The following CERS5 variants were observed in gnomAD, a reference collection of about 807,000 sequenced individuals.
The protein encoded by CERS5 is LAG1 homolog, ceramide synthase 5.
In CERS5, 37 loss-of-function variants were observed where a neutral mutation model predicts 58.9. That is an observed-to-expected ratio of 0.63 (90% CI 0.48 to 0.83). The LOEUF is 0.83. Among genes scored for constraint, CERS5 ranks in the 40% least tolerant of loss-of-function variants. The pLI is 0.00. For missense variants in CERS5, 398 were observed against 489.3 expected, an observed-to-expected ratio of 0.81 and a Z score of 1.76; for synonymous variants, 147 against 177.8, an observed-to-expected ratio of 0.83 and a Z score of 1.38.
At chr12:50,165,298 A>T (rs1331681670) in intron 1 of CERS5, 1 of 152,184 alleles carries the variant, frequency 6.6e-6, no homozygotes, top group Admixed American at 6.6e-5. Context: ...GGGCGCCTGT[A>T]GTTTCAGCTA....
At chr12:50,132,602 G>C (rs960151785) in intron 9 of CERS5, among the ~76,000 whole-genome samples, 1 of 152,110 alleles carries the variant, frequency 6.6e-6, no homozygotes, top group Non-Finnish European at 1.5e-5. Context: ...ATTTGCTTTG[G>C]ATCAGCTCCT....
At chr12:50,149,244 T>C (rs778056069) in intron 1 of CERS5, among the ~76,000 whole-genome samples, 21 of 152,210 alleles carry the variant, frequency 1.4e-4, no homozygotes, top group Non-Finnish European at 2.6e-4. Context: ...ACAAGATTTT[T>C]CCTTTCCTGG....
chr12:50,132,431 A>C (rs1592327180), intron 9 of CERS5, among the ~76,000 whole-genome samples: 1 of 152,114 alleles, frequency 6.6e-6, no homozygotes, highest in African/African-American at 2.4e-5. Flanking sequence ...ATTAAAAAAA[A>C]AAAATTACCC....
chr12:50,139,446 G>A (rs1414365660), intron 4 of CERS5, among the ~76,000 whole-genome samples: 2 of 152,020 alleles, frequency 1.3e-5, no homozygotes, highest in Non-Finnish European at 2.9e-5. Flanking sequence ...TCACGCAACT[G>A]CACTTCAGCC....
chr12:50,134,482 G>A, intron 9 of CERS5, 64 bp downstream of exon 9: 1 of 1,612,974 alleles, frequency 6.2e-7, no homozygotes, highest in Non-Finnish European at 8.5e-7. Flanking sequence ...GATGGAGAGA[G>A]AACGTCTGTT....
chr12:50,155,167 T>G (rs1343336476), intron 1 of CERS5, among the ~76,000 whole-genome samples: 1 of 152,096 alleles, frequency 6.6e-6, no homozygotes, highest in Non-Finnish European at 1.5e-5. Context: ...CAGCATTTCT[T>G]AAATTTCTCA....
rs1190078891 is a variant in CERS5 at position 50,135,240 on chromosome 12, A to G, written c.872+492T>C. On this transcript the variant is annotated intron_variant, in intron 8 of 9. Transcript: ENST00000317551. The stretch of plus-strand genomic sequence containing the variant: ...GGGAGAGAGAGGAGGACAGGGAGGG[A>G]GAGAGAGAGGAGGGAGGGAGAGAGG... Among the ~76,000 whole-genome samples the G allele has an allele frequency of 2.8e-5, 2 of 70,614 alleles. 1 individual carries two copies. The highest frequency in any genetic ancestry group is 1.3e-4 in the African/African-American group (2 of 15,136). 46.3% of individuals were successfully genotyped at this position (70,614 alleles called of 152,430 possible).
chr12:50,151,705 T>C (rs1301843337), intron 1 of CERS5, among the ~76,000 whole-genome samples: 1 of 152,116 alleles, frequency 6.6e-6, no homozygotes. Context: ...TGGGCTGGAG[T>C]GCAATGGCAC....
intron 1 of CERS5, among the ~76,000 whole-genome samples, chr12:50,149,160 A>T (rs1016197042): frequency 6.6e-6 from 1 of 151,972 alleles, no homozygotes; most frequent in Non-Finnish European, 1.5e-5. Context: ...GCTAGATGAT[A>T]CTGACAAATT....
chr12:50,133,367 T>A, intron 9 of CERS5: 1 of 1,053,796 alleles, frequency 9.5e-7, no homozygotes, highest in Non-Finnish European at 1.2e-6. Context: ...CACCTTTCTT[T>A]CGCTCTTGGC....
intron 1 of CERS5, among the ~76,000 whole-genome samples, chr12:50,146,247 A>G (rs1952260673): frequency 6.6e-6 from 1 of 152,240 alleles, no homozygotes; most frequent in African/African-American, 2.4e-5. Flanking sequence ...GAAACAATGT[A>G]TGCCTACACC....
chr12:50,152,834 C>T (rs1190467535), intron 1 of CERS5, among the ~76,000 whole-genome samples: 3 of 152,078 alleles, frequency 2.0e-5, no homozygotes, highest in Non-Finnish European at 2.9e-5. Flanking sequence ...CTTTGGGAGG[C>T]GGAGGCGGGC....
At chr12:50,134,903 GA>G (rs3830643) in intron 8 of CERS5, 187,458 of 575,672 alleles carry the variant, frequency 0.33, 35,705 homozygotes, top group East Asian at 0.78. Context: ...GACAGAGAAA[GA>G]TATATAAATC....
At chr12:50,146,207 T>G (rs761994716) in intron 1 of CERS5, among the ~76,000 whole-genome samples, 11 of 152,180 alleles carry the variant, frequency 7.2e-5, no homozygotes, top group Non-Finnish European at 1.0e-4. Context: ...AGATAATATC[T>G]ACCTCACAGG....
intron 3 of CERS5, among the ~76,000 whole-genome samples, chr12:50,142,525 G>T (rs1251267940): frequency 6.8e-6 from 1 of 147,872 alleles, no homozygotes; most frequent in Non-Finnish European, 1.5e-5. Flanking sequence ...ACTCCAGTCT[G>T]GTGACAGAGC....
rs1952092401 is a variant in CERS5, at chr12:50,143,501, T to C, written c.304-297A>G. ...TGGCTCATGCCTGTAATCCTGGGAT[T>C]TTTGAAGGCTGAGGGCCGAAGGATG... On this transcript the variant is annotated intron_variant, in intron 2 of 9. Transcript: ENST00000317551. 3 of 311,380 alleles carry C rather than the reference T, an allele frequency of 9.6e-6. No individual in the cohort carries two copies. The South Asian group carries it at 1.6e-4, about 17-fold the overall frequency. 19.3% of individuals were successfully genotyped at this position (311,380 alleles called of 1,614,324 possible).
At chr12:50,137,438 C>A (rs1039825287) in intron 6 of CERS5, among the ~76,000 whole-genome samples, 1 of 152,140 alleles carries the variant, frequency 6.6e-6, no homozygotes, top group African/African-American at 2.4e-5. Flanking sequence ...CCAATTCTGA[C>A]TAGTTTCCTG....
chr12:50,162,341 A>G (rs1939402467), intron 1 of CERS5, among the ~76,000 whole-genome samples: 2 of 152,158 alleles, frequency 1.3e-5, no homozygotes, highest in African/African-American at 4.8e-5. Context: ...TCAGTGAAAG[A>G]GAACTGGGCT....
Position 50,133,838 on chromosome 12 carries a change from C to T in CERS5, c.1029+708G>A, listed in dbSNP as rs527285976. 8.5e-5 allele frequency: 71 copies of T among 836,230 alleles called. 1 individual carries two copies. The South Asian group carries it at 3.8e-3, about 44-fold the overall frequency. 51.8% of individuals were successfully genotyped at this position (836,230 alleles called of 1,614,324 possible). ...CCTGTAATCCCAGCACTTCGGGAGG[C>T]CAAGGTGGGCAGATCACAAGGTCGG... On this transcript the variant is annotated intron_variant, in intron 9 of 9. Coordinates refer to ENST00000317551, the MANE Select transcript of CERS5 (RefSeq NM_147190.5).
Sources: gnomAD v4.1 joint callset for allele counts (sites outside exome capture counted in the v4.1 genomes callset) on GRCh38, gnomAD v4.1.1 for gene constraint, MANE v1.5 for transcripts, NCBI Gene and HGNC (gene_info 2026-07-23, HGNC 2026-07-21) for gene names.